MGST1: variants seen among roughly 807,000 people sequenced by gnomAD.
The protein encoded by MGST1 is microsomal glutathione S-transferase 1, also known as glutathione S-transferase 12.
Under a neutral mutation model 8.9 loss-of-function variants are expected in MGST1, and 5 were observed. The observed-to-expected ratio is 0.56, with a 90% CI of 0.29 to 1.19. The LOEUF is 1.19. MGST1 is among the 50% of genes most tolerant of loss of function. The pLI is 0.08. For missense variants in MGST1, 182 were observed against 187.4 expected, an observed-to-expected ratio of 0.97 and a Z score of 0.17; for synonymous variants, 54 against 67.8, an observed-to-expected ratio of 0.80 and a Z score of 1.00.
chr12:16,468,397 C>CATG (rs57171766), intron 4 of MGST1, among the ~76,000 whole-genome samples: 1 of 152,130 alleles, frequency 6.6e-6, no homozygotes, highest in Admixed American at 6.5e-5. Context: ...TATCGGGTCT[C>CATG]GTTGTTGGAT....
At chr12:16,390,415 A>G (rs1414855718) in intron 1 of MGST1, among the ~76,000 whole-genome samples, 3 of 152,106 alleles carry the variant, frequency 2.0e-5, no homozygotes, top group South Asian at 4.2e-4. Flanking sequence ...CTAGTATCCA[A>G]TAGTTATTCT....
rs551742275 is a variant in MGST1 at position 16,407,296 on chromosome 12, C to G, written n.778+23692C>G. 3.3e-5 allele frequency among the ~76,000 whole-genome samples: 5 copies of G among 152,278 alleles called. No homozygotes were observed. The East Asian group carries it at 9.6e-4, about 29-fold the overall frequency. ...CAAAAGAAGGCATACATGGGGCCAA[C>G]AAGCATATGAAGAAAAGCTTGATAT... On this transcript the variant is annotated intron_variant and non_coding_transcript_variant, in intron 1 of 1. Transcript: ENST00000359720.
At chr12:16,494,291 C>T (rs1941456792) in intron 4 of MGST1, among the ~76,000 whole-genome samples, 1 of 152,158 alleles carries the variant, frequency 6.6e-6, no homozygotes, top group South Asian at 2.1e-4. Context: ...TTAGACATCT[C>T]TGTGATGCAT....
downstream of MGST1, among the ~76,000 whole-genome samples, chr12:16,590,957 GTAAA>G (rs564785287): frequency 9.9e-5 from 15 of 152,050 alleles, no homozygotes; most frequent in South Asian, 2.9e-3. Context: ...AAAACTTCCA[GTAAA>G]TAAATGAAAA....
chr12:16,360,473 G>C, intron 3 of MGST1: 2 of 586,602 alleles, frequency 3.4e-6, no homozygotes, highest in Non-Finnish European at 4.3e-6. Flanking sequence ...CAAGATATGT[G>C]ACTTAAAGTC....
chr12:16,379,081 T>C (rs1215013686), downstream of MGST1, among the ~76,000 whole-genome samples: 1 of 152,144 alleles, frequency 6.6e-6, no homozygotes, highest in Non-Finnish European at 1.5e-5. Context: ...TATACAATCA[T>C]GTCATCTGCA....
chr12:16,360,946 A>G (rs1024190558), intron 3 of MGST1, among the ~76,000 whole-genome samples: 1 of 151,930 alleles, frequency 6.6e-6, no homozygotes, highest in African/African-American at 2.4e-5. Context: ...AGAGCTTTAA[A>G]ACTGGGTTCC....
chr12:16,512,147 T>C (rs1398284876), intron 4 of MGST1, among the ~76,000 whole-genome samples: 1 of 152,182 alleles, frequency 6.6e-6, no homozygotes, highest in Non-Finnish European at 1.5e-5. Flanking sequence ...CTAGTTCTTT[T>C]TTCCTTTGGC....
rs369986291 is a variant in MGST1, at chr12:16,395,780, C to CATATATAT, written n.778+12194_778+12201dup. Among the ~76,000 whole-genome samples, 77 of 121,870 alleles carry CATATATAT rather than the reference C, an allele frequency of 6.3e-4. 1 individual carries two copies. Among genetic ancestry groups the CATATATAT allele is most frequent in the African/African-American group, 1.6e-3 (48 of 30,282 alleles). 80.0% of individuals were successfully genotyped at this position (121,870 alleles called of 152,430 possible). The stretch of plus-strand genomic sequence containing the variant: ...CTTTAATGGCTGAGTAGTATTCCAT[C>CATATATAT]ATATATATATATATATATATATATA... On this transcript the variant is annotated intron_variant and non_coding_transcript_variant, in intron 1 of 1. Coordinates refer to the MGST1 transcript ENST00000359720.
rs1177718122 is a variant in MGST1 at position 16,503,944 on chromosome 12, T to A, written n.483-85584T>A. Among the ~76,000 whole-genome samples, 1 of 152,224 alleles carries A rather than the reference T, an allele frequency of 6.6e-6. No homozygotes were observed. The highest frequency in any genetic ancestry group is 2.4e-5 in the African/African-American group (1 of 41,462). On this transcript the variant is annotated intron_variant and non_coding_transcript_variant, in intron 4 of 4. Transcript: ENST00000538857. The surrounding 1 kb of genome is among the most constrained non-coding windows in gnomAD (Gnocchi z 4.8). Reference sequence around the variant, plus strand: ...CTGCAAGGCACAGTACCTCCGGTGCTGCTGTATGCTGCTGCCCTATGCTGC... The same window carrying A: ...CTGCAAGGCACAGTACCTCCGGTGCAGCTGTATGCTGCTGCCCTATGCTGC...
chr12:16,383,014 G>A (rs1011897497), exon 1 of MGST1: 3 of 152,344 alleles, frequency 2.0e-5, no homozygotes, highest in Non-Finnish European at 2.9e-5. Flanking sequence ...ATTAGAGTGG[G>A]AGAGACCTGA....
chr12:16,426,522 A>C (rs1028988374), intron 1 of MGST1, among the ~76,000 whole-genome samples: 1 of 152,108 alleles, frequency 6.6e-6, no homozygotes, highest in Non-Finnish European at 1.5e-5. Flanking sequence ...CACTTCCTCA[A>C]TCATCCAATA....
At chr12:16,359,323 G>C (rs1250506795) in intron 3 of MGST1, among the ~76,000 whole-genome samples, 2 of 152,116 alleles carry the variant, frequency 1.3e-5, no homozygotes, top group Non-Finnish European at 2.9e-5. Context: ...AAAATTAAAA[G>C]TACCTTCTTG....
chr12:16,553,026 G>C (rs1942049525), intron 4 of MGST1, among the ~76,000 whole-genome samples: 1 of 152,076 alleles, frequency 6.6e-6, no homozygotes, highest in Admixed American at 6.6e-5. Flanking sequence ...TTGTGGCAAG[G>C]AGTAGAAATG....
At chr12:16,393,296 C>A (rs1440641000) in intron 1 of MGST1, among the ~76,000 whole-genome samples, 3 of 152,148 alleles carry the variant, frequency 2.0e-5, no homozygotes, top group Non-Finnish European at 4.4e-5. Flanking sequence ...AATAGAGAAA[C>A]CTACCCTGTC....
intron 4 of MGST1, among the ~76,000 whole-genome samples, chr12:16,469,815 C>G (rs1941280951): frequency 6.6e-6 from 1 of 152,072 alleles, no homozygotes; most frequent in African/African-American, 2.4e-5. Context: ...TAAGGTTTTG[C>G]AAAGAACTAA....
Position 16,468,100 on chromosome 12 carries a change from C to T in MGST1, n.482+84496C>T, listed in dbSNP as rs200268793. Among the ~76,000 whole-genome samples the T allele has an allele frequency of 1.8e-4, 28 of 152,308 alleles. No individual in the cohort carries two copies. In the East Asian group the frequency reaches 3.9e-3, roughly 21 times the overall value. On this transcript the variant is annotated intron_variant and non_coding_transcript_variant, in intron 4 of 4. Transcript: ENST00000538857. ...AATTTTCAGTTAAGGGTGCAGCATC[C>T]TCTACAATGCCCTTGAGGAAGATTC...
At position 16,363,739 on chromosome 12, in the gene MGST1, G is replaced by T. The variant is rs1426811317; in HGVS notation, c.222-56G>T. On this transcript the variant is annotated intron_variant, in intron 3 of 3. Coordinates refer to ENST00000396210, the MANE Select transcript of MGST1 (RefSeq NM_020300.5). This position sits in a 1 kb window ranked among gnomAD's most constrained non-coding sequence, Gnocchi z 4.6. Reference sequence around the variant, plus strand: ...TAGTTTTTAGAAGAGAGAGAAAAAAGGATACATATCTAGTATTTTGAAATT... The same window carrying T: ...TAGTTTTTAGAAGAGAGAGAAAAAATGATACATATCTAGTATTTTGAAATT... 2 of 1,393,496 alleles carry T rather than the reference G, an allele frequency of 1.4e-6. No homozygotes were observed. Among genetic ancestry groups the T allele is most frequent in the South Asian group, 1.7e-5 (1 of 57,250 alleles). The allele number at this position is 1,393,496 out of a possible 1,614,324, so 86.3% of individuals were successfully genotyped here. A position where few individuals can be genotyped will look rare whatever the true frequency, so the allele number is the denominator to read the frequency against.
chr12:16,352,765 T>A (rs1040794391), intron 1 of MGST1, among the ~76,000 whole-genome samples: 3 of 152,200 alleles, frequency 2.0e-5, no homozygotes, highest in Non-Finnish European at 4.4e-5. Context: ...TCAAGGATCA[T>A]GTAAAGCTAA....
Sources: gnomAD v4.1 joint callset for allele counts (sites outside exome capture counted in the v4.1 genomes callset) on GRCh38, gnomAD v4.1.1 for gene constraint, Gnocchi (gnomAD v3.1) non-coding constraint, MANE v1.5 for transcripts, NCBI Gene and HGNC (gene_info 2026-07-23, HGNC 2026-07-21) for gene names.